The following UVRAG variants were observed in gnomAD, a reference collection of about 807,000 sequenced individuals.
The protein encoded by UVRAG is UV radiation resistance associated, also known as UV radiation resistance-associated gene protein.
In UVRAG, 19 loss-of-function variants were observed where a neutral mutation model predicts 78.0. The ratio of observed to expected loss-of-function variants is 0.24; its 90% CI spans 0.17 to 0.36. The LOEUF (loss-of-function observed/expected upper bound fraction) is 0.36. Among genes scored for constraint, UVRAG ranks in the 10% least tolerant of loss-of-function variants. The pLI, the probability that UVRAG is intolerant of heterozygous loss-of-function variation, is 1.00. For synonymous variants in UVRAG, 323 were observed against 324.6 expected, an observed-to-expected ratio of 1.00 and a Z score of 0.05; for missense variants, 740 against 853.8, an observed-to-expected ratio of 0.87 and a Z score of 1.66.
intron 6 of UVRAG, among the ~76,000 whole-genome samples, chr11:75,956,198 G>A (rs1948794429): frequency 6.6e-6 from 1 of 151,914 alleles, no homozygotes; most frequent in Admixed American, 6.6e-5. Flanking sequence ...TAGACATTTG[G>A]GTTGTTTTCT....
intron 14 of UVRAG, among the ~76,000 whole-genome samples, chr11:76,116,737 G>A (rs894511835): frequency 3.9e-5 from 6 of 152,240 alleles, no homozygotes; most frequent in African/African-American, 1.4e-4. Flanking sequence ...AAGCAGGCCT[G>A]TAGAGTTAGA....
intron 3 of UVRAG, among the ~76,000 whole-genome samples, chr11:75,876,752 C>A (rs552902622): frequency 1.3e-5 from 2 of 150,350 alleles, no homozygotes; most frequent in African/African-American, 4.9e-5. Flanking sequence ...ATCTGAAGAC[C>A]CTTTGATTTA....
rs560388797 is a variant in UVRAG, at chr11:75,996,256, AATACATT to A, written c.827-7748_827-7742del. Among the ~76,000 whole-genome samples the A allele has an allele frequency of 3.3e-5, 5 of 152,122 alleles. No homozygotes were observed. In the East Asian group the frequency reaches 9.7e-4, roughly 29 times the overall value. On this transcript the variant is annotated intron_variant, in intron 8 of 14. Coordinates refer to ENST00000356136, the MANE Select transcript of UVRAG (RefSeq NM_003369.4). ...GGAAGTAACATTTACAAAAAAAAAA[AATACATT>A]TACATTTAGGTGGTTGAAGATAGAA...
intron 12 of UVRAG, among the ~76,000 whole-genome samples, chr11:76,019,409 C>A (rs537509084): frequency 1.3e-5 from 2 of 152,284 alleles, no homozygotes; most frequent in African/African-American, 4.8e-5. Flanking sequence ...TGGATGTTTG[C>A]CAGTGTCTGG....
intron 6 of UVRAG, among the ~76,000 whole-genome samples, chr11:75,917,779 A>G (rs1324465161): frequency 6.6e-6 from 1 of 151,992 alleles, no homozygotes; most frequent in East Asian, 1.9e-4. Flanking sequence ...GGTTTCTCTA[A>G]TTTTTCTTCC....
chr11:75,906,546 C>T (rs1164216699), intron 5 of UVRAG, among the ~76,000 whole-genome samples: 2 of 152,016 alleles, frequency 1.3e-5, no homozygotes, highest in Non-Finnish European at 2.9e-5. Context: ...CCAGGTTTTA[C>T]CATGTTAGCT....
intron 13 of UVRAG, among the ~76,000 whole-genome samples, chr11:76,078,773 A>AG (rs1307647834): frequency 1.3e-5 from 2 of 149,618 alleles, no homozygotes; most frequent in Non-Finnish European, 3.0e-5. Context: ...AAAAAAAAAA[A>AG]AAAAAATTAG....
chr11:75,871,078 TAGTC>T (rs988078369), intron 3 of UVRAG, among the ~76,000 whole-genome samples: 1 of 152,062 alleles, frequency 6.6e-6, no homozygotes, highest in African/African-American at 2.4e-5. Flanking sequence ...CATAACATGT[TAGTC>T]AGGCTGGTCA....
intron 12 of UVRAG, among the ~76,000 whole-genome samples, chr11:76,029,230 A>G (rs537085288): frequency 1.3e-5 from 2 of 152,312 alleles, no homozygotes; most frequent in South Asian, 4.1e-4. Flanking sequence ...TATTCCTTTC[A>G]AAATATTACT....
chr11:75,882,026 C>T (rs1239751991), intron 4 of UVRAG, among the ~76,000 whole-genome samples: 1 of 152,104 alleles, frequency 6.6e-6, no homozygotes, highest in Non-Finnish European at 1.5e-5. Context: ...AACCCCCCAC[C>T]CCACCTTGGA....
At chr11:75,927,006 CT>C (rs1179125882) in intron 6 of UVRAG, among the ~76,000 whole-genome samples, 1 of 151,170 alleles carries the variant, frequency 6.6e-6, no homozygotes, top group East Asian at 1.9e-4. Flanking sequence ...ATTGTTACCG[CT>C]GTTTTACTCA....
At chr11:75,847,300 G>A (rs895771859) in intron 1 of UVRAG, among the ~76,000 whole-genome samples, 1 of 149,686 alleles carries the variant, frequency 6.7e-6, no homozygotes, top group Non-Finnish European at 1.5e-5. Flanking sequence ...GCTAACTTTT[G>A]TATCTTTAGT....
intron 12 of UVRAG, among the ~76,000 whole-genome samples, chr11:76,030,208 T>TTATTTG (rs1950409421): frequency 6.6e-6 from 1 of 152,134 alleles, no homozygotes; most frequent in Non-Finnish European, 1.5e-5. Context: ...ATTTTTATTT[T>TTATTTG]TATTTGTAGA....
intron 14 of UVRAG, among the ~76,000 whole-genome samples, chr11:76,140,018 A>G (rs184781203): frequency 6.9e-6 from 1 of 144,414 alleles, no homozygotes; most frequent in East Asian, 2.1e-4. Context: ...CCCCTCAAAA[A>G]TTTTTTTTAA....
chr11:75,888,017 A>G (rs1043250208), intron 4 of UVRAG, among the ~76,000 whole-genome samples: 1 of 152,242 alleles, frequency 6.6e-6, no homozygotes, highest in Non-Finnish European at 1.5e-5. Context: ...GCAGACAGTA[A>G]TAAAAGAGAG....
intron 6 of UVRAG, among the ~76,000 whole-genome samples, chr11:75,935,684 T>G (rs1948358645): frequency 6.6e-6 from 1 of 152,174 alleles, no homozygotes; most frequent in Admixed American, 6.5e-5. Context: ...TGAAGAAACA[T>G]TACAGAAATA....
chr11:75,974,230 T>C (rs1439018700), intron 7 of UVRAG, among the ~76,000 whole-genome samples: 1 of 152,234 alleles, frequency 6.6e-6, no homozygotes, highest in Non-Finnish European at 1.5e-5. Flanking sequence ...TTCCTGACTT[T>C]TTAATGATCT....
chr11:75,815,515 G>C lies in UVRAG; in HGVS notation c.108G>C (p.Pro36=), dbSNP rs901313976. The C allele has an allele frequency of 8.9e-6, 11 of 1,237,336 alleles. No homozygotes were observed. Among genetic ancestry groups the C allele is most frequent in the African/African-American group, 1.6e-5 (1 of 64,428 alleles). 76.6% of individuals were successfully genotyped at this position (1,237,336 alleles called of 1,614,324 possible). The stretch of plus-strand genomic sequence containing the variant: ...CGCGGGCCCTGCATGTGGAGCTGCC[G>C]TCTCAGCAGGTAAGCCCGCGCGGCT... The part of the protein sequence containing the change: ...SAARALHVEL[P]SQQRRLRHLR... The change falls in exon 1 of 15, where the codon CCG becomes CCC. Residue 36 remains proline (P), a synonymous_variant. Coordinates refer to ENST00000356136, the MANE Select transcript of UVRAG (RefSeq NM_003369.4).
chr11:75,895,159 A>G (rs764386979), intron 5 of UVRAG, among the ~76,000 whole-genome samples: 1 of 152,196 alleles, frequency 6.6e-6, no homozygotes, highest in Non-Finnish European at 1.5e-5. Context: ...AGCTTTCAAT[A>G]ATGCCTAAAA....
Sources: gnomAD v4.1 joint callset for allele counts (sites outside exome capture counted in the v4.1 genomes callset) on GRCh38, gnomAD v4.1.1 for gene constraint, MANE v1.5 for transcripts, NCBI Gene and HGNC (gene_info 2026-07-23, HGNC 2026-07-21) for gene names.